The following PROX2 variants were observed in gnomAD, a reference collection of about 807,000 sequenced individuals.
PROX2 encodes prospero homeobox protein 2.
In PROX2, 46 loss-of-function variants were observed where a neutral mutation model predicts 48.9. That is an observed-to-expected ratio of 0.94 (90% CI 0.74 to 1.20). The LOEUF (loss-of-function observed/expected upper bound fraction) is 1.20. Among genes scored for constraint, PROX2 ranks in the 50% most tolerant of loss-of-function variants. The pLI is 0.00. For missense variants in PROX2, 663 were observed against 719.4 expected (o/e 0.92, Z 0.90); for synonymous variants, 260 against 276.6 (o/e 0.94, Z 0.60).
chr14:74,861,193 G>GGACAC (rs2091792690), intron 3 of PROX2: 2 of 1,351,940 alleles, frequency 1.5e-6, no homozygotes, highest in Non-Finnish European at 2.0e-6. Flanking sequence ...GCCAGGCAAA[G>GGACAC]GACACGACTG....
At chr14:74,857,631 G>A (rs529262215) in intron 4 of PROX2, 1 of 152,374 alleles carries the variant, frequency 6.6e-6, no homozygotes, top group East Asian at 1.9e-4. Context: ...TTTCCTTATT[G>A]TCACACTTCA....
chr14:74,866,617 G>C (rs1430158664), intron 2 of PROX2, among the ~76,000 whole-genome samples: 2 of 152,200 alleles, frequency 1.3e-5, no homozygotes, highest in Admixed American at 6.5e-5. Flanking sequence ...ATTTGAATTA[G>C]TAATGTGGAG....
At chr14:74,857,743 G>GTTTGT (rs1294749058) in intron 4 of PROX2, 1 of 148,012 alleles carries the variant, frequency 6.8e-6, no homozygotes, top group Non-Finnish European at 1.5e-5. Flanking sequence ...TATATTTTTT[G>GTTTGT]TTGTTTGTTT....
At chr14:74,858,722 T>A in intron 3 of PROX2, 1 of 531,762 alleles carries the variant, frequency 1.9e-6, no homozygotes, top group Non-Finnish European at 3.4e-6. Flanking sequence ...GTAAAAATCA[T>A]CTCGATGTGG....
chr14:74,863,227 GC>G lies in PROX2; in HGVS notation c.607del (p.Ala203GlnfsTer21). ...QQGTSKDLSG[A>X]EKHQESEKPS... ...CTTCTCAGACTCTTGGTGTTTTTCT[GC>G]CCCAGAGAGGTCCTTGCTGGTACCT... On this transcript the variant is annotated frameshift_variant, in exon 3 of 6. Coordinates refer to ENST00000556489, the MANE Select transcript of PROX2 (RefSeq NM_001243007.2). LOFTEE classifies it high-confidence loss of function. The G allele has an allele frequency of 6.2e-7, 1 of 1,613,894 alleles. No individual in the cohort carries two copies. Among genetic ancestry groups the G allele is most frequent in the Non-Finnish European group, 8.5e-7 (1 of 1,179,840 alleles).
intron 1 of PROX2, among the ~76,000 whole-genome samples, chr14:74,873,473 G>T (rs548958074): frequency 1.7e-4 from 26 of 152,262 alleles, no homozygotes; most frequent in African/African-American, 5.5e-4. Flanking sequence ...TTCCTCCTAG[G>T]GGGGGTTCAG....
At chr14:74,860,689 GC>G (rs1221716770) in intron 3 of PROX2, among the ~76,000 whole-genome samples, 2 of 152,184 alleles carry the variant, frequency 1.3e-5, no homozygotes, top group African/African-American at 4.8e-5. Flanking sequence ...GAGTTGAGGG[GC>G]CAGGGTGCTG....
rs367763340 is a variant in PROX2, at chr14:74,862,670, G to C, written c.1165C>G (p.Pro389Ala). The part of the protein sequence containing the change: ...LRPWRTTKPQ[P>A]LVLSQQQCPL... Reference sequence around the variant, plus strand: ...CACTGCTGCTGGCTCAGGACCAATGGTTGCGGCTTAGTAGTTCTCCAAGGT... The same window carrying C: ...CACTGCTGCTGGCTCAGGACCAATGCTTGCGGCTTAGTAGTTCTCCAAGGT... Residue 389 changes from proline to alanine, a missense_variant, in exon 3 of 6, where the codon CCA becomes GCA. Coordinates refer to ENST00000556489, the MANE Select transcript of PROX2 (RefSeq NM_001243007.2). 1.5e-5 allele frequency: 25 copies of C among 1,613,906 alleles called. No homozygotes were observed. The highest frequency in any genetic ancestry group is 2.1e-5 in the Non-Finnish European group (25 of 1,179,900).
rs151072003 is a variant in PROX2, at chr14:74,853,414, T to G, written c.*1718A>C. The G allele has an allele frequency of 9.2e-3, 1,394 of 152,348 alleles. 14 individuals carry two copies. Among genetic ancestry groups the G allele is most frequent in the Non-Finnish European group, 0.013 (914 of 68,054 alleles). 9.4% of individuals were successfully genotyped at this position (152,348 alleles called of 1,614,324 possible). A position where few individuals can be genotyped will look rare whatever the true frequency, so the allele number is the denominator to read the frequency against. ...TGTTTAAAACTTAGGTTTGGCAGAT[T>G]CCTTCATTTTTGTGAAAATAGGGCA... On this transcript the variant is annotated 3_prime_UTR_variant, in exon 6 of 6. Transcript: ENST00000556489.
At chr14:74,861,509 C>T (rs1003580607) in intron 3 of PROX2, among the ~76,000 whole-genome samples, 3 of 152,128 alleles carry the variant, frequency 2.0e-5, no homozygotes, top group East Asian at 1.9e-4. Context: ...ATTAATATCC[C>T]GAGGGTTACT....
In PROX2 at chr14:74,862,871, G is replaced by A; in HGVS notation, c.964C>T (p.Pro322Ser). The A allele has an allele frequency of 6.2e-7, 1 of 1,613,906 alleles. No homozygotes were observed. The highest frequency in any genetic ancestry group is 8.5e-7 in the Non-Finnish European group (1 of 1,179,850). ...PRYPIPPRMT[P>S]KPCQDPPANF... ...GCTGGGGGATCCTGACAGGGTTTGG[G>A]GGTCATTCTTGGAGGGATAGGGTAC... Residue 322 changes from proline to serine, a missense_variant, in exon 3 of 6, where the codon CCC (proline) becomes TCC (serine). By Grantham distance (74) the Pro-to-Ser change is moderately conservative. Coordinates refer to ENST00000556489, the MANE Select transcript of PROX2 (RefSeq NM_001243007.2).
rs111650823 is a variant in PROX2, at chr14:74,861,892, C to A, written c.1305+638G>T. On this transcript the variant is annotated intron_variant, in intron 3 of 5. Coordinates refer to ENST00000556489, the MANE Select transcript of PROX2 (RefSeq NM_001243007.2). ...CTTAGATGACGTCATTCCTTTGACC[C>A]TCTCCTCCTAAGTTTATGGGTGGCT... is the stretch of plus-strand genomic sequence containing the variant. Among the ~76,000 whole-genome samples the A allele has an allele frequency of 4.2e-3, 639 of 152,332 alleles. 10 individuals carry two copies. The highest frequency in any genetic ancestry group is 0.015 in the African/African-American group (614 of 41,576).
chr14:74,857,604 C>T (rs2091754434), intron 4 of PROX2: 1 of 152,250 alleles, frequency 6.6e-6, no homozygotes, highest in African/African-American at 2.4e-5. Flanking sequence ...AGGTCTGGTC[C>T]CAACAATTAG....
chr14:74,858,394 TGA>T lies in PROX2; in HGVS notation c.1413+11_1413+12del. ...AGTTCTGCAGAAGCTGCCATTTAGT[TGA>T]GTGACTTTACCTGAACATCAGGAAA... On this transcript the variant is annotated intron_variant, in intron 4 of 5. Coordinates refer to ENST00000556489, the MANE Select transcript of PROX2 (RefSeq NM_001243007.2). 6.6e-7 allele frequency: 1 copy of T among 1,511,206 alleles called. No individual in the cohort carries two copies. Among genetic ancestry groups the T allele is most frequent in the Non-Finnish European group, 9.0e-7 (1 of 1,106,698 alleles). The allele number at this position is 1,511,206 out of a possible 1,614,324, so 93.6% of individuals were successfully genotyped here.
At position 74,853,071 on chromosome 14, in the gene PROX2, C is replaced by T. The variant is rs2140157914; in HGVS notation, c.*2061G>A. The T allele has an allele frequency of 6.6e-6, 1 of 152,306 alleles. No individual in the cohort carries two copies. Among genetic ancestry groups the T allele is most frequent in the Non-Finnish European group, 1.5e-5 (1 of 68,038 alleles). The allele number at this position is 152,306 out of a possible 1,614,324, so 9.4% of individuals were successfully genotyped here. On this transcript the variant is annotated 3_prime_UTR_variant, in exon 6 of 6. Transcript: ENST00000556489. ...TATTTATACATTCTTCTGTGTTTAG[C>T]TCAGTGGTTAGAGAACACTTCCTGG...
At chr14:74,855,580 C>G in intron 5 of PROX2, 1 of 296,224 alleles carries the variant, frequency 3.4e-6, no homozygotes. Context: ...GACTTTTTAA[C>G]TAAGCAGGTC....
At chr14:74,867,202 A>G (rs1221185395) in intron 2 of PROX2, among the ~76,000 whole-genome samples, 1 of 152,174 alleles carries the variant, frequency 6.6e-6, no homozygotes, top group Non-Finnish European at 1.5e-5. Flanking sequence ...TGTGGACTAG[A>G]AGGTTCAGAT....
At position 74,855,424 on chromosome 14, in the gene PROX2, T is replaced by C. The variant is rs927682289; in HGVS notation, c.1609-122A>G. ...TAGTGGGCTAGGAGCATCCCTGCTC[T>C]AGTGGCCCCTGATTCTGCAACCCTA... On this transcript the variant is annotated intron_variant, in intron 5 of 5. Coordinates refer to ENST00000556489, the MANE Select transcript of PROX2 (RefSeq NM_001243007.2). The C allele has an allele frequency of 3.2e-5, 21 of 656,872 alleles. No individual in the cohort carries two copies. In the African/African-American group the frequency reaches 3.6e-4, roughly 11 times the overall value. 40.7% of individuals were successfully genotyped at this position (656,872 alleles called of 1,614,324 possible). A position where few individuals can be genotyped will look rare whatever the true frequency, so the allele number is the denominator to read the frequency against.
intron 3 of PROX2, chr14:74,861,174 AC>A: frequency 7.4e-7 from 1 of 1,344,234 alleles, no homozygotes; most frequent in Non-Finnish European, 9.9e-7. Context: ...TGCTGCCCTC[AC>A]AGTAGTTGCC....
Sources: allele counts gnomAD v4.1 joint callset (sites outside exome capture counted in the v4.1 genomes callset), GRCh38; gene constraint gnomAD v4.1.1; transcripts MANE v1.5; gene names NCBI Gene and HGNC (gene_info 2026-07-23, HGNC 2026-07-21).